TRPM4: variants seen among roughly 807,000 people sequenced by gnomAD.
TRPM4 encodes transient receptor potential cation channel subfamily M member 4, also known as calcium-activated non-selective cation channel 1.
TRPM4 carries 124 observed loss-of-function variants against 135.6 expected under a neutral mutation model. That is an observed-to-expected ratio of 0.91 (90% CI 0.79 to 1.06). TRPM4 has a LOEUF of 1.06. Ranked by LOEUF, TRPM4 falls within the 50% of genes least tolerant of loss-of-function variation. The pLI, the probability that TRPM4 is intolerant of heterozygous loss-of-function variation, is 0.00. For synonymous variants in TRPM4, 745 were observed against 705.6 expected (o/e 1.06, Z -0.88); for missense variants, 1,658 against 1,671.4 (o/e 0.99, Z 0.14).
intron 19 of TRPM4, among the ~76,000 whole-genome samples, chr19:49,201,155 G>A (rs1202357097): frequency 6.6e-6 from 1 of 152,006 alleles, no homozygotes; most frequent in Non-Finnish European, 1.5e-5. Flanking sequence ...TGTCATGAGA[G>A]TACACGGAAC....
At chr19:49,197,503 C>T (rs1007884497) in intron 17 of TRPM4, among the ~76,000 whole-genome samples, 16 of 140,314 alleles carry the variant, frequency 1.1e-4, no homozygotes, top group African/African-American at 4.3e-4. Context: ...TTCCTTCCTT[C>T]CTTCCTTCCT....
Position 49,188,725 on chromosome 19 carries a change from G to C in TRPM4, c.1828G>C (p.Ala610Pro). ...ARLEPDAEEAARRKDLAFKFE... is the reference protein window; with the variant it reads ...ARLEPDAEEAPRRKDLAFKFE... The stretch of plus-strand genomic sequence containing the variant: ...CCTGGAGCCTGACGCTGAGGAGGCA[G>C]CACGGAGGAAAGACCTGGCGTTCAA... Residue 610 changes from alanine (A) to proline (P), a missense_variant, in exon 13 of 25, where the codon GCA becomes CCA. Physicochemically the swap from Ala to Pro is conservative, Grantham distance 27. Coordinates refer to ENST00000252826, the MANE Select transcript of TRPM4 (RefSeq NM_017636.4). 4 of 1,614,232 alleles carry C rather than the reference G, an allele frequency of 2.5e-6. No homozygotes were observed. The highest frequency in any genetic ancestry group is 3.4e-6 in the Non-Finnish European group (4 of 1,180,044).
intron 19 of TRPM4, 57 bp downstream of exon 19, chr19:49,200,842 G>C: frequency 1.9e-6 from 3 of 1,581,290 alleles, no homozygotes; most frequent in Non-Finnish European, 2.6e-6. Context: ...CGCTCCCTGG[G>C]TCTCTGTCCT....
At chr19:49,183,421 G>C (rs1968076387) in intron 12 of TRPM4, among the ~76,000 whole-genome samples, 1 of 152,140 alleles carries the variant, frequency 6.6e-6, no homozygotes, top group Non-Finnish European at 1.5e-5. Flanking sequence ...TTTTGAGACA[G>C]AGTCTCGCTC....
In TRPM4 at chr19:49,211,160, G is replaced by T. The variant is rs756403480; in HGVS notation, c.3535-4G>T. ...CCCGCTCTGACATTCCTCCCATTCC[G>T]CAGGTCCAGCAGTGTAGCCGCGTCC... On this transcript the variant is annotated splice_polypyrimidine_tract_variant and splice_region_variant and intron_variant, in intron 23 of 24. Coordinates refer to ENST00000252826, the MANE Select transcript of TRPM4 (RefSeq NM_017636.4). This position sits in a 1 kb window ranked among gnomAD's most constrained non-coding sequence, Gnocchi z 4.8. 6 of 1,606,494 alleles carry T rather than the reference G, an allele frequency of 3.7e-6. No individual in the cohort carries two copies. The highest frequency in any genetic ancestry group is 5.1e-6 in the Non-Finnish European group (6 of 1,177,044).
Position 49,166,043 on chromosome 19 carries a change from G to C in TRPM4, c.95G>C (p.Gly32Ala), listed in dbSNP as rs772015839. Residue 32 changes from glycine (G) to alanine (A), a missense_variant and splice_region_variant, in exon 3 of 25, where the codon GGG (glycine) becomes GCG (alanine). Gly to Ala is a moderately conservative substitution (Grantham distance 60). Coordinates refer to ENST00000252826, the MANE Select transcript of TRPM4 (RefSeq NM_017636.4). ...ACGCTCCGCCCTCGCACCCCCAGAG[G>C]GACCTTGTGCCAGTGTGGGCGCCCC... ...TFIVDSTDPG[G>A]TLCQCGRPRT... 6.3e-7 allele frequency: 1 copy of C among 1,593,772 alleles called. No individual in the cohort carries two copies. Among genetic ancestry groups the C allele is most frequent in the South Asian group, 1.1e-5 (1 of 88,042 alleles).
At position 49,211,561 on chromosome 19, in the gene TRPM4, A is replaced by G. The variant is rs1667213860; in HGVS notation, c.*63A>G. 4 of 1,609,774 alleles carry G rather than the reference A, an allele frequency of 2.5e-6. No homozygotes were observed. In the Admixed American group the frequency reaches 6.7e-5, roughly 27 times the overall value. ...GGATTTTGCTCCTAGAGTAAGGCTC[A>G]TCTGGGCCTCGGCCCCCGCACCTGG... On this transcript the variant is annotated 3_prime_UTR_variant, in exon 25 of 25. Coordinates refer to ENST00000252826, the MANE Select transcript of TRPM4 (RefSeq NM_017636.4). The surrounding 1 kb of genome is among the most constrained non-coding windows in gnomAD (Gnocchi z 4.8).
rs1968987196 is a variant in TRPM4, at chr19:49,202,869, C to T, written c.3131+728C>T. On this transcript the variant is annotated intron_variant, in intron 20 of 24. Coordinates refer to ENST00000252826, the MANE Select transcript of TRPM4 (RefSeq NM_017636.4). The stretch of plus-strand genomic sequence containing the variant: ...TTGTGGTAAAATTATATAAAATTTT[C>T]CATTTTTACTTCTTTTTTTTTTTTT... Among the ~76,000 whole-genome samples the T allele has an allele frequency of 4.1e-5, 6 of 147,678 alleles. No individual in the cohort carries two copies. The Admixed American group carries it at 4.1e-4, about 10-fold the overall frequency.
chr19:49,168,376 G>T lies in TRPM4; in HGVS notation c.565G>T (p.Ala189Ser). The change falls in exon 5 of 25, where the codon GCC (alanine) becomes TCC (serine). Residue 189 changes from alanine to serine, a missense_variant. Transcript: ENST00000252826. ...CACCAAGGTGGTGGCCATGGGTGTG[G>T]CCCCCTGGGGTGTGGTCCGGAATAG... ...GGTKVVAMGV[A>S]PWGVVRNRDT... is the part of the protein sequence containing the mutation. 1 of 1,614,076 alleles carries T rather than the reference G, an allele frequency of 6.2e-7. No individual in the cohort carries two copies. Among genetic ancestry groups the T allele is most frequent in the Non-Finnish European group, 8.5e-7 (1 of 1,180,024 alleles).
At chr19:49,165,967 G>A in intron 2 of TRPM4, 74 bp from the exon 3 acceptor site, 1 of 1,451,754 alleles carries the variant, frequency 6.9e-7, no homozygotes, top group Non-Finnish European at 9.4e-7. Context: ...CCCTCTACAG[G>A]AGCATGAACA....
chr19:49,208,929 A>G (rs1222621772), intron 20 of TRPM4, among the ~76,000 whole-genome samples: 1 of 151,156 alleles, frequency 6.6e-6, no homozygotes, highest in Non-Finnish European at 1.5e-5. Context: ...ACTGCACTCC[A>G]GCCTGTGGGA....
In TRPM4 at chr19:49,166,321, T is replaced by G; in HGVS notation, c.267+106T>G. 7 of 1,236,080 alleles carry G rather than the reference T, an allele frequency of 5.7e-6. No individual in the cohort carries two copies. In the South Asian group the frequency reaches 1.1e-4, roughly 19 times the overall value. The allele number at this position is 1,236,080 out of a possible 1,614,324, so 76.6% of individuals were successfully genotyped here. Reference sequence around the variant, plus strand: ...CCCTGAACCCTGGCCCCTCCGCCCATCCCTGTCTTGGCTCTCTTTGTCCCC... The same window carrying G: ...CCCTGAACCCTGGCCCCTCCGCCCAGCCCTGTCTTGGCTCTCTTTGTCCCC... On this transcript the variant is annotated intron_variant, in intron 3 of 24. Transcript: ENST00000252826.
At chr19:49,169,397 G>A (rs1012047153) in intron 6 of TRPM4, among the ~76,000 whole-genome samples, 1 of 147,516 alleles carries the variant, frequency 6.8e-6, no homozygotes, top group African/African-American at 2.5e-5. Flanking sequence ...TCAGCCTCCT[G>A]CCTCAGACTC....
At chr19:49,161,613 G>T (rs1291569043) in intron 2 of TRPM4, among the ~76,000 whole-genome samples, 2 of 149,980 alleles carry the variant, frequency 1.3e-5, no homozygotes, top group African/African-American at 4.9e-5. Flanking sequence ...TTACAGGCGA[G>T]AGCCACCATA....
Position 49,196,344 on chromosome 19 carries a change from G to C in TRPM4, c.2211-96G>C. 2.5e-6 allele frequency: 3 copies of C among 1,183,482 alleles called. No homozygotes were observed. The South Asian group carries it at 4.8e-5, about 19-fold the overall frequency. 73.3% of individuals were successfully genotyped at this position (1,183,482 alleles called of 1,614,324 possible). A position where few individuals can be genotyped will look rare whatever the true frequency, so the allele number is the denominator to read the frequency against. On this transcript the variant is annotated intron_variant, in intron 16 of 24. Transcript: ENST00000252826. ...GCAGACTGAGTTTCGGGTCAGGCAG[G>C]GTGAGATGTGCCAAGCCAAAAGTCT...
Position 49,211,635 on chromosome 19 carries a change from G to C in TRPM4, c.*137G>C. On this transcript the variant is annotated 3_prime_UTR_variant, in exon 25 of 25. Transcript: ENST00000252826. The surrounding 1 kb of genome is among the most constrained non-coding windows in gnomAD (Gnocchi z 4.8). ...CCATGTCCATCTGGGCCACTGTCAGGACCACCTTTGGGAGTGTCATCCTTA... is the reference window on the plus strand; with the variant it reads ...CCATGTCCATCTGGGCCACTGTCAGCACCACCTTTGGGAGTGTCATCCTTA... 1 of 1,125,700 alleles carries C rather than the reference G, an allele frequency of 8.9e-7. No homozygotes were observed. Among genetic ancestry groups the C allele is most frequent in the South Asian group, 1.2e-5 (1 of 81,004 alleles). 69.7% of individuals were successfully genotyped at this position (1,125,700 alleles called of 1,614,324 possible).
intron 9 of TRPM4, among the ~76,000 whole-genome samples, chr19:49,178,770 T>TA (rs1967800830): frequency 3.4e-5 from 5 of 146,482 alleles, no homozygotes; most frequent in South Asian, 2.2e-4. Context: ...ATTTTTTTAT[T>TA]TTTTTTGAGA....
intron 20 of TRPM4, among the ~76,000 whole-genome samples, chr19:49,205,750 G>A (rs1049255640): frequency 6.6e-5 from 10 of 151,780 alleles, no homozygotes; most frequent in Admixed American, 3.3e-4. Context: ...TGCCCAGGCC[G>A]ATCTCAAACT....
chr19:49,188,313 A>C (rs766600521), intron 12 of TRPM4, among the ~76,000 whole-genome samples: 2 of 152,080 alleles, frequency 1.3e-5, no homozygotes, highest in African/African-American at 4.8e-5. Flanking sequence ...AGGTGGTTTC[A>C]CTTCAGCCTC....
Sources: gnomAD v4.1 joint callset for allele counts (sites outside exome capture counted in the v4.1 genomes callset) on GRCh38, gnomAD v4.1.1 for gene constraint, Gnocchi (gnomAD v3.1) non-coding constraint, MANE v1.5 for transcripts, NCBI Gene and HGNC (gene_info 2026-07-23, HGNC 2026-07-21) for gene names.